The following NEURL1 variants were observed in gnomAD, a reference collection of about 807,000 sequenced individuals.
NEURL1 encodes neuralized E3 ubiquitin protein ligase 1.
A neutral mutation model predicts 41.2 loss-of-function variants in NEURL1; 26 were observed. That is an observed-to-expected ratio of 0.63 (90% CI 0.46 to 0.87). The LOEUF (loss-of-function observed/expected upper bound fraction) is 0.87, where lower values mean the gene tolerates loss of function less well. Among genes scored for constraint, NEURL1 ranks in the 40% least tolerant of loss-of-function variants. The probability of loss-of-function intolerance (pLI) is 0.00; values close to 1 mark genes in which losing one functional copy is unlikely to be tolerated. For synonymous variants in NEURL1, 400 were observed against 402.3 expected, an observed-to-expected ratio of 0.99 and a Z score of 0.07; for missense variants, 761 against 871.1, an observed-to-expected ratio of 0.87 and a Z score of 1.59.
Position 103,591,819 on chromosome 10 carries a change from G to C in NEURL1, c.*1447G>C, listed in dbSNP as rs1158842935. ...GGACGTCAAACTTCCAGGAGGGCCAGTGTTCCTAGTGTGGGCCAGGAACAG... is the reference window on the plus strand; with the variant it reads ...GGACGTCAAACTTCCAGGAGGGCCACTGTTCCTAGTGTGGGCCAGGAACAG... On this transcript the variant is annotated 3_prime_UTR_variant, in exon 6 of 6. Transcript: ENST00000369780. 1 of 152,296 alleles carries C rather than the reference G, an allele frequency of 6.6e-6. No homozygotes were observed. The highest frequency in any genetic ancestry group is 1.5e-5 in the Non-Finnish European group (1 of 68,088). 9.4% of individuals were successfully genotyped at this position (152,296 alleles called of 1,614,324 possible).
intron 1 of NEURL1, among the ~76,000 whole-genome samples, chr10:103,538,152 T>G (rs966462687): frequency 2.0e-5 from 3 of 152,012 alleles, no homozygotes; most frequent in Admixed American, 1.3e-4. Context: ...TGGAGTGCAG[T>G]GGCATGATCT....
chr10:103,541,161 C>T (rs922445951), intron 1 of NEURL1, among the ~76,000 whole-genome samples: 2 of 152,152 alleles, frequency 1.3e-5, no homozygotes, highest in Admixed American at 1.3e-4. Flanking sequence ...GGAAGGGACA[C>T]ACAACTGGGT....
intron 1 of NEURL1, among the ~76,000 whole-genome samples, chr10:103,557,913 T>C (rs1056376719): frequency 1.3e-5 from 2 of 152,340 alleles, no homozygotes; most frequent in Admixed American, 1.3e-4. Context: ...GTAGTCTCTC[T>C]CTGCCACCCA....
intron 3 of NEURL1, among the ~76,000 whole-genome samples, chr10:103,581,365 C>T (rs1342666518): frequency 1.3e-5 from 2 of 152,188 alleles, no homozygotes; most frequent in East Asian, 1.9e-4. Context: ...AATGACTGTG[C>T]CAGGTCTCCT....
At chr10:103,585,457 G>A (rs984566814) in intron 4 of NEURL1, among the ~76,000 whole-genome samples, 1 of 152,142 alleles carries the variant, frequency 6.6e-6, no homozygotes, top group African/African-American at 2.4e-5. Context: ...GGATTATTGA[G>A]TTTGATGCCC....
At chr10:103,505,141 C>A (rs1402769621) in intron 1 of NEURL1, among the ~76,000 whole-genome samples, 2 of 151,122 alleles carry the variant, frequency 1.3e-5, no homozygotes, top group Non-Finnish European at 2.9e-5. Context: ...GCAGCCTCAA[C>A]CTTCTGGGCT....
At chr10:103,585,880 T>C (rs1444215681) in intron 4 of NEURL1, among the ~76,000 whole-genome samples, 1 of 148,006 alleles carries the variant, frequency 6.8e-6, no homozygotes, top group Admixed American at 6.7e-5. Flanking sequence ...ACTTTTTGAG[T>C]CTCGGTTACC....
intron 1 of NEURL1, among the ~76,000 whole-genome samples, chr10:103,567,658 C>T (rs1312504812): frequency 4.6e-5 from 7 of 152,204 alleles, no homozygotes; most frequent in Non-Finnish European, 7.3e-5. Context: ...CTTGGCCTCC[C>T]AAAGTGCTGG....
intron 1 of NEURL1, among the ~76,000 whole-genome samples, chr10:103,554,980 G>A (rs1349146121): frequency 2.0e-5 from 3 of 152,198 alleles, no homozygotes; most frequent in Non-Finnish European, 4.4e-5. Flanking sequence ...ATGGGGATGT[G>A]TGTGCGTGTG....
chr10:103,506,848 G>A (rs569574481), intron 1 of NEURL1, among the ~76,000 whole-genome samples: 1 of 152,270 alleles, frequency 6.6e-6, no homozygotes, highest in South Asian at 2.1e-4. Flanking sequence ...GGTGTGTGCC[G>A]CTGTGCCCGG....
chr10:103,584,689 C>T lies in NEURL1; in HGVS notation c.803C>T (p.Ala268Val), dbSNP rs562905837. 204 of 1,434,726 alleles carry T rather than the reference C, an allele frequency of 1.4e-4. No homozygotes were observed. In the African/African-American group the frequency reaches 2.9e-3, roughly 20 times the overall value. 88.9% of individuals were successfully genotyped at this position (1,434,726 alleles called of 1,614,324 possible). A position where few individuals can be genotyped will look rare whatever the true frequency, so the allele number is the denominator to read the frequency against. The change falls in exon 4 of 6, where the codon GCC becomes GTC. Residue 268 changes from alanine (A) to valine (V), a missense_variant. By Grantham distance (64) the Ala-to-Val change is moderately conservative. This residue lies in a region of NEURL1 where 443 missense variants were observed against 408.1 expected (regional missense o/e 1.09). Coordinates refer to ENST00000369780, the MANE Select transcript of NEURL1 (RefSeq NM_004210.5). ...GCGGACGGCGACGAGGCCGCGCCGG[C>T]CGCCGGCTGCCCCATCCCGCAGAAC... is the stretch of plus-strand genomic sequence containing the variant. Reference protein sequence around the residue: ...PGADGDEAAPAAGCPIPQNSL... With the variant: ...PGADGDEAAPVAGCPIPQNSL...
At chr10:103,567,760 C>T (rs1231460979) in intron 1 of NEURL1, among the ~76,000 whole-genome samples, 2 of 152,150 alleles carry the variant, frequency 1.3e-5, no homozygotes, top group African/African-American at 2.4e-5. Flanking sequence ...GTGGCTCTTA[C>T]GTCCCTTTCT....
intron 1 of NEURL1, among the ~76,000 whole-genome samples, chr10:103,504,540 G>C (rs1388102072): frequency 1.3e-5 from 2 of 152,198 alleles, no homozygotes; most frequent in Non-Finnish European, 2.9e-5. Flanking sequence ...ACTCATTGCT[G>C]TTGATGTTGA....
chr10:103,545,967 C>T lies in NEURL1; in HGVS notation c.86-24905C>T, dbSNP rs908099543. 6.6e-6 allele frequency among the ~76,000 whole-genome samples: 1 copy of T among 152,186 alleles called. No homozygotes were observed. The highest frequency in any genetic ancestry group is 2.4e-5 in the African/African-American group (1 of 41,454). On this transcript the variant is annotated intron_variant, in intron 1 of 5. Transcript: ENST00000369780. The surrounding 1 kb of genome is among the most constrained non-coding windows in gnomAD (Gnocchi z 4.5). ...TAGGATGGTGACTGTGGGCACACTACAGCCAAAGTCCAGGGCAGTCCACAT... is the reference window on the plus strand; with the variant it reads ...TAGGATGGTGACTGTGGGCACACTATAGCCAAAGTCCAGGGCAGTCCACAT...
At chr10:103,498,277 G>C (rs1332743171) in intron 1 of NEURL1, among the ~76,000 whole-genome samples, 1 of 152,214 alleles carries the variant, frequency 6.6e-6, no homozygotes, top group Non-Finnish European at 1.5e-5. Flanking sequence ...GCCCAGGCTG[G>C]AGTGCAGTGG....
intron 1 of NEURL1, among the ~76,000 whole-genome samples, chr10:103,518,570 C>T (rs1272066531): frequency 6.6e-6 from 1 of 152,112 alleles, no homozygotes; most frequent in Non-Finnish European, 1.5e-5. Context: ...AGAAAGAAAC[C>T]ATGAGTGAGG....
In NEURL1 at chr10:103,591,429, TTTTG is replaced by T. The variant is rs768902153; in HGVS notation, c.*1071_*1074del. 1.8e-4 allele frequency: 27 copies of T among 152,392 alleles called. No homozygotes were observed. Among genetic ancestry groups the T allele is most frequent in the African/African-American group, 6.0e-4 (25 of 41,560 alleles). The allele number at this position is 152,392 out of a possible 1,614,324, so 9.4% of individuals were successfully genotyped here. On this transcript the variant is annotated 3_prime_UTR_variant, in exon 6 of 6. Coordinates refer to ENST00000369780, the MANE Select transcript of NEURL1 (RefSeq NM_004210.5). ...TATTTGGTTTGTGGTTTTGGGTTTT[TTTTG>T]TTTGTTTGTTTGTAGGTGAGTTCCC...
intron 1 of NEURL1, among the ~76,000 whole-genome samples, chr10:103,565,755 A>G (rs138074892): frequency 4.1e-4 from 63 of 152,200 alleles, no homozygotes; most frequent in African/African-American, 1.4e-3. Context: ...GGCTCAAGTG[A>G]TCCTCCCGCC....
At chr10:103,549,484 C>G (rs1242276480) in intron 1 of NEURL1, among the ~76,000 whole-genome samples, 1 of 152,240 alleles carries the variant, frequency 6.6e-6, no homozygotes, top group Non-Finnish European at 1.5e-5. Flanking sequence ...CCACTCTTGT[C>G]CTGGCTCTGG....
Sources: allele counts gnomAD v4.1 joint callset (sites outside exome capture counted in the v4.1 genomes callset), GRCh38; gene constraint gnomAD v4.1.1; regional missense constraint gnomAD v4.1.1; non-coding constraint Gnocchi (gnomAD v3.1); transcripts MANE v1.5; gene names NCBI Gene and HGNC (gene_info 2026-07-23, HGNC 2026-07-21).